Variants in UMAD1 observed in about 807,000 individuals in gnomAD.
UMAD1 encodes the protein UBAP1-MVB12-associated (UMA) domain containing 1.
Under a neutral mutation model 6.1 loss-of-function variants are expected in UMAD1, and 8 were observed. The observed-to-expected ratio is 1.30, with a 90% CI of 0.76 to 2.35. The LOEUF is 2.35. Among genes scored for constraint, UMAD1 ranks in the 30% most tolerant of loss-of-function variants. The pLI is 0.00. For missense variants in UMAD1, 130 were observed against 78.4 expected (o/e 1.66, Z -2.49); for synonymous variants, 56 against 31.4 (o/e 1.78, Z -2.61).
At chr7:7,824,602 A>G (rs978752770) in intron 3 of UMAD1, among the ~76,000 whole-genome samples, 11 of 152,190 alleles carry the variant, frequency 7.2e-5, no homozygotes, top group African/African-American at 2.7e-4. Context: ...GTGGTACCAC[A>G]TGCTTCACAG....
At chr7:7,774,427 C>T (rs1782160806) in intron 2 of UMAD1, among the ~76,000 whole-genome samples, 1 of 152,110 alleles carries the variant, frequency 6.6e-6, no homozygotes, top group African/African-American at 2.4e-5. Flanking sequence ...TGTGGGAAAG[C>T]CATTCCCTCA....
chr7:7,841,314 C>CTTTTTT (rs35468754), intron 3 of UMAD1, among the ~76,000 whole-genome samples: 2 of 136,798 alleles, frequency 1.5e-5, no homozygotes, highest in Non-Finnish European at 3.2e-5. Context: ...AACAAGTGAT[C>CTTTTTT]TTTTTTTTTT....
chr7:7,647,945 A>G (rs1388213452), intron 1 of UMAD1, among the ~76,000 whole-genome samples: 2 of 152,112 alleles, frequency 1.3e-5, no homozygotes, highest in Non-Finnish European at 2.9e-5. Context: ...CTACTATTAT[A>G]GACGTGCCAG....
At chr7:7,674,675 A>G (rs999843776) in intron 2 of UMAD1, among the ~76,000 whole-genome samples, 1 of 152,158 alleles carries the variant, frequency 6.6e-6, no homozygotes, top group Non-Finnish European at 1.5e-5. Flanking sequence ...AATTGCTAAT[A>G]TGACCCTTCC....
At chr7:7,768,192 G>A (rs1255713255) in intron 2 of UMAD1, among the ~76,000 whole-genome samples, 4 of 152,050 alleles carry the variant, frequency 2.6e-5, no homozygotes, top group Admixed American at 6.5e-5. Context: ...AATTTAAAAT[G>A]AAAATTTAGT....
intron 2 of UMAD1, among the ~76,000 whole-genome samples, chr7:7,714,167 A>T (rs949540542): frequency 2.0e-5 from 3 of 152,234 alleles, no homozygotes; most frequent in African/African-American, 7.2e-5. Flanking sequence ...AAATGTGTTG[A>T]GACTTGATTC....
chr7:7,646,139 G>T (rs1785088709), intron 1 of UMAD1, among the ~76,000 whole-genome samples: 1 of 152,218 alleles, frequency 6.6e-6, no homozygotes. Flanking sequence ...AAATAGCTCA[G>T]TAGAGTCAGT....
chr7:7,863,723 G>T (rs1784170286), intron 3 of UMAD1, among the ~76,000 whole-genome samples: 2 of 152,130 alleles, frequency 1.3e-5, no homozygotes, highest in Non-Finnish European at 2.9e-5. Flanking sequence ...ACCAAACAGA[G>T]AAACAAGATA....
chr7:7,741,614 T>G (rs571096584), intron 2 of UMAD1, among the ~76,000 whole-genome samples: 1 of 147,104 alleles, frequency 6.8e-6, no homozygotes, highest in Non-Finnish European at 1.5e-5. Flanking sequence ...ATAATAATAA[T>G]AAAAATAATA....
At chr7:7,735,561 C>G (rs1016618371) in intron 2 of UMAD1, among the ~76,000 whole-genome samples, 27 of 152,140 alleles carry the variant, frequency 1.8e-4, no homozygotes, top group African/African-American at 5.1e-4. Flanking sequence ...AGGGGCCCAC[C>G]ACCATACCCA....
intron 2 of UMAD1, among the ~76,000 whole-genome samples, chr7:7,722,471 G>A (rs574803756): frequency 1.3e-5 from 2 of 152,148 alleles, no homozygotes; most frequent in East Asian, 1.9e-4. Context: ...CTGATTTACC[G>A]CCCATGTGAG....
intron 1 of UMAD1, among the ~76,000 whole-genome samples, chr7:7,657,101 G>T (rs1401663062): frequency 6.6e-6 from 1 of 152,104 alleles, no homozygotes. Flanking sequence ...TTTGTTGTCT[G>T]CATAAATGTC....
chr7:7,688,680 T>C (rs937185127), intron 2 of UMAD1, among the ~76,000 whole-genome samples: 3 of 152,208 alleles, frequency 2.0e-5, no homozygotes, highest in Non-Finnish European at 4.4e-5. Flanking sequence ...AGCTCCTATA[T>C]TATTGTTTTG....
At chr7:7,716,805 G>A (rs551566613) in intron 2 of UMAD1, among the ~76,000 whole-genome samples, 14 of 152,276 alleles carry the variant, frequency 9.2e-5, no homozygotes, top group African/African-American at 3.4e-4. Context: ...AATTAGGCGG[G>A]CATGGTGGCG....
intron 2 of UMAD1, among the ~76,000 whole-genome samples, chr7:7,699,377 A>G (rs1276481513): frequency 1.3e-5 from 2 of 152,228 alleles, no homozygotes; most frequent in Non-Finnish European, 2.9e-5. Context: ...AAAATTTAAT[A>G]TCCTTAGTTC....
chr7:7,697,782 C>A (rs192408084), intron 2 of UMAD1, among the ~76,000 whole-genome samples: 2 of 152,206 alleles, frequency 1.3e-5, no homozygotes, highest in East Asian at 3.9e-4. Flanking sequence ...TGTCATTATG[C>A]CTCTTTTCAC....
intron 1 of UMAD1, among the ~76,000 whole-genome samples, chr7:7,666,887 C>A (rs1165923253): frequency 6.6e-6 from 1 of 152,128 alleles, no homozygotes; most frequent in Non-Finnish European, 1.5e-5. Flanking sequence ...CTCACTGCAA[C>A]CTCCGCCTCC....
intron 1 of UMAD1, among the ~76,000 whole-genome samples, chr7:7,668,681 A>T (rs981505090): frequency 1.3e-5 from 2 of 152,236 alleles, no homozygotes; most frequent in African/African-American, 2.4e-5. Context: ...TCCTAAAAAC[A>T]TCACCAACTT....
At chr7:7,724,675 G>T (rs2115186453) in intron 2 of UMAD1, among the ~76,000 whole-genome samples, 1 of 152,314 alleles carries the variant, frequency 6.6e-6, no homozygotes, top group South Asian at 2.1e-4. Flanking sequence ...GTGGATTATT[G>T]TAAGCTTAAC....
Sources: allele counts gnomAD v4.1 joint callset (sites outside exome capture counted in the v4.1 genomes callset), GRCh38; gene constraint gnomAD v4.1.1; transcripts MANE v1.5; gene names NCBI Gene and HGNC (gene_info 2026-07-23, HGNC 2026-07-21).